NKAIN3: variants seen among roughly 807,000 people sequenced by gnomAD.
The protein encoded by NKAIN3 is sodium/potassium transporting ATPase interacting 3.
In NKAIN3, 25 loss-of-function variants were observed where a neutral mutation model predicts 30.2. That is an observed-to-expected ratio of 0.83 (90% CI 0.60 to 1.16). The LOEUF is 1.16. NKAIN3 is among the 50% of genes most tolerant of loss of function. NKAIN3 has a pLI of 0.00. For synonymous variants in NKAIN3, 91 were observed against 89.6 expected (o/e 1.02, Z -0.09); for missense variants, 225 against 254.1 (o/e 0.89, Z 0.78).
chr8:62,604,455 CACTT>C (rs1339699792), intron 3 of NKAIN3, among the ~76,000 whole-genome samples: 1 of 152,116 alleles, frequency 6.6e-6, no homozygotes, highest in African/African-American at 2.4e-5. Flanking sequence ...TGTCTATGCT[CACTT>C]AAAGGCTAGT....
At chr8:62,788,285 G>C (rs993539940) in intron 4 of NKAIN3, among the ~76,000 whole-genome samples, 5 of 152,120 alleles carry the variant, frequency 3.3e-5, no homozygotes, top group African/African-American at 9.7e-5. Context: ...CCTCTGATGG[G>C]CAGTGATGAT....
intron 3 of NKAIN3, among the ~76,000 whole-genome samples, chr8:62,607,804 C>T (rs757235270): frequency 8.5e-5 from 13 of 152,080 alleles, no homozygotes; most frequent in Non-Finnish European, 1.6e-4. Flanking sequence ...TTATAAAATA[C>T]TGTGTCTCAT....
chr8:62,826,496 A>G (rs935594520), intron 4 of NKAIN3, among the ~76,000 whole-genome samples: 3 of 152,210 alleles, frequency 2.0e-5, no homozygotes, highest in African/African-American at 7.2e-5. Flanking sequence ...TTGGAGCAAG[A>G]GTCTCTTTTC....
intron 3 of NKAIN3, among the ~76,000 whole-genome samples, chr8:62,663,308 A>G (rs1198828067): frequency 2.6e-5 from 4 of 152,210 alleles, no homozygotes; most frequent in African/African-American, 9.6e-5. Context: ...AATGAGTTTG[A>G]AGCAGGAAAG....
chr8:62,493,539 T>A (rs1469027095), intron 1 of NKAIN3, among the ~76,000 whole-genome samples: 6 of 152,026 alleles, frequency 3.9e-5, no homozygotes, highest in Non-Finnish European at 4.4e-5. Context: ...ATTTTTAAAA[T>A]TTTTTTCTAG....
chr8:62,861,369 C>T (rs1275652079), intron 4 of NKAIN3, among the ~76,000 whole-genome samples: 1 of 152,184 alleles, frequency 6.6e-6, no homozygotes, highest in Non-Finnish European at 1.5e-5. Flanking sequence ...TCCAGACCCA[C>T]AAATAATTTC....
chr8:62,954,108 A>T (rs1563643737), intron 6 of NKAIN3, 136 bp downstream of exon 6: 1 of 156,132 alleles, frequency 6.4e-6, no homozygotes. Context: ...CACACCTTTC[A>T]CATGTAACCC....
At chr8:62,263,573 A>G (rs78608520) in intron 1 of NKAIN3, among the ~76,000 whole-genome samples, 4,075 of 152,254 alleles carry the variant, frequency 0.027, 96 homozygotes, top group Middle Eastern at 0.075. Context: ...AAGAATCACA[A>G]CTAGATGACA....
At chr8:62,740,218 G>A (rs940296109) in intron 3 of NKAIN3, among the ~76,000 whole-genome samples, 2 of 151,914 alleles carry the variant, frequency 1.3e-5, no homozygotes, top group South Asian at 2.1e-4. Context: ...ATTCTGAGAC[G>A]AAAAAATATT....
At chr8:62,800,256 G>T (rs565619290) in intron 4 of NKAIN3, among the ~76,000 whole-genome samples, 1 of 152,254 alleles carries the variant, frequency 6.6e-6, no homozygotes, top group Non-Finnish European at 1.5e-5. Flanking sequence ...TGGCCATACT[G>T]CATATGCAAT....
chr8:62,313,332 T>C (rs1364315140), intron 1 of NKAIN3, among the ~76,000 whole-genome samples: 1 of 152,188 alleles, frequency 6.6e-6, no homozygotes, highest in Non-Finnish European at 1.5e-5. Flanking sequence ...CTAAGTCATT[T>C]AAACAATGAA....
intron 1 of NKAIN3, among the ~76,000 whole-genome samples, chr8:62,442,291 C>G (rs1805351573): frequency 6.6e-6 from 1 of 151,794 alleles, no homozygotes; most frequent in Non-Finnish European, 1.5e-5. Context: ...TAGTCATTGT[C>G]TATTCATTAG....
At position 62,968,389 on chromosome 8, in the gene NKAIN3, T is replaced by A. The variant is rs569718554; in HGVS notation, c.*2982T>A. 6.6e-6 allele frequency among the ~76,000 whole-genome samples: 1 copy of A among 152,344 alleles called. No individual in the cohort carries two copies. The highest frequency in any genetic ancestry group is 2.1e-4 in the South Asian group (1 of 4,824). On this transcript the variant is annotated 3_prime_UTR_variant, in exon 7 of 7. Coordinates refer to ENST00000623646, the MANE Select transcript of NKAIN3 (RefSeq NM_001304533.3). The stretch of plus-strand genomic sequence containing the variant: ...TAGAATGCACTCTGCATTGTGCGTA[T>A]CCAGTAGGGTTTTCAGCAAAGACAT...
At chr8:62,687,529 C>T (rs1813837529) in intron 3 of NKAIN3, among the ~76,000 whole-genome samples, 1 of 152,214 alleles carries the variant, frequency 6.6e-6, no homozygotes, top group African/African-American at 2.4e-5. Flanking sequence ...CTTCTATCTA[C>T]TCAGGATTTT....
chr8:62,530,558 G>A (rs550261764), intron 1 of NKAIN3, among the ~76,000 whole-genome samples: 1 of 152,192 alleles, frequency 6.6e-6, no homozygotes, highest in Admixed American at 6.5e-5. Flanking sequence ...AGAACAGGTT[G>A]ACAATATTGC....
chr8:62,868,095 T>A (rs1820481488), intron 4 of NKAIN3, among the ~76,000 whole-genome samples: 1 of 152,052 alleles, frequency 6.6e-6, no homozygotes, highest in Non-Finnish European at 1.5e-5. Context: ...GAGACCAGGG[T>A]GTTTGGAGTT....
chr8:62,451,349 C>T (rs1264638805), intron 1 of NKAIN3, among the ~76,000 whole-genome samples: 1 of 143,034 alleles, frequency 7.0e-6, no homozygotes, highest in African/African-American at 2.6e-5. Flanking sequence ...GTCCTCTCCT[C>T]TTCTCTTCAT....
At chr8:62,798,789 A>G (rs62512421) in intron 4 of NKAIN3, among the ~76,000 whole-genome samples, 26,420 of 152,116 alleles carry the variant, frequency 0.17, 2,489 homozygotes, top group East Asian at 0.29. Context: ...GCCCTAGCAC[A>G]CTAATACACA....
chr8:62,362,562 C>G (rs553719202), intron 1 of NKAIN3, among the ~76,000 whole-genome samples: 32 of 152,192 alleles, frequency 2.1e-4, no homozygotes, highest in African/African-American at 5.5e-4. Flanking sequence ...CTGCAGAACC[C>G]AAGAGAAACT....
Sources: allele counts gnomAD v4.1 joint callset (sites outside exome capture counted in the v4.1 genomes callset), GRCh38; gene constraint gnomAD v4.1.1; transcripts MANE v1.5; gene names NCBI Gene and HGNC (gene_info 2026-07-23, HGNC 2026-07-21).